PIK3C3: variants seen among roughly 807,000 people sequenced by gnomAD.
The protein encoded by PIK3C3 is phosphatidylinositol 3-kinase catalytic subunit type 3.
A neutral mutation model predicts 126.1 loss-of-function variants in PIK3C3; 95 were observed. The observed-to-expected ratio is 0.75, with a 90% CI of 0.64 to 0.89. The LOEUF (loss-of-function observed/expected upper bound fraction) is 0.89, where lower values mean the gene tolerates loss of function less well. Ranked by LOEUF, PIK3C3 falls within the 40% of genes least tolerant of loss-of-function variation. PIK3C3 has a pLI of 0.00. For missense variants in PIK3C3, 829 were observed against 1,063.2 expected (o/e 0.78, Z 3.06); for synonymous variants, 374 against 360.0 (o/e 1.04, Z -0.44).
Position 42,064,828 on chromosome 18 carries a change from A to T in PIK3C3, c.2521A>T (p.Lys841Ter). 1.3e-6 allele frequency: 2 copies of T among 1,541,166 alleles called. No individual in the cohort carries two copies. The highest frequency in any genetic ancestry group is 1.8e-6 in the Non-Finnish European group (2 of 1,114,418). ...IALEPDKTVKKVQDKFRLDLS... is the reference protein window; with the variant it reads ...IALEPDKTVK ...ACTTGAACCAGATAAAACTGTGAAAAAGGTAATTTTTAAGTAACATAAATG... is the reference window on the plus strand; with the variant it reads ...ACTTGAACCAGATAAAACTGTGAAATAGGTAATTTTTAAGTAACATAAATG... The change falls in exon 23 of 25, where the codon AAG becomes TAG. Residue 841 changes from lysine (K) to a stop codon, truncating the protein, a stop_gained and splice_region_variant. Coordinates refer to ENST00000262039, the MANE Select transcript of PIK3C3 (RefSeq NM_002647.4). LOFTEE classifies it high-confidence loss of function.
intron 15 of PIK3C3, among the ~76,000 whole-genome samples, chr18:42,032,441 C>T (rs1983869810): frequency 1.3e-5 from 2 of 151,996 alleles, no homozygotes; most frequent in African/African-American, 4.8e-5. Flanking sequence ...AGCAGCTGCA[C>T]TCTGGTTACT....
intron 4 of PIK3C3, among the ~76,000 whole-genome samples, chr18:41,985,491 T>C (rs1981425134): frequency 6.6e-6 from 1 of 152,138 alleles, no homozygotes; most frequent in African/African-American, 2.4e-5. Flanking sequence ...TGCAATCGGT[T>C]TTGCACTCAA....
chr18:41,997,645 T>A (rs1982091244), intron 9 of PIK3C3, among the ~76,000 whole-genome samples: 1 of 152,138 alleles, frequency 6.6e-6, no homozygotes. Flanking sequence ...TAGCATTTTT[T>A]AAACAGATAC....
intron 7 of PIK3C3, among the ~76,000 whole-genome samples, chr18:41,994,977 G>T (rs368805540): frequency 2.0e-5 from 3 of 152,094 alleles, no homozygotes; most frequent in Admixed American, 1.3e-4. Context: ...GGTCAAGGCT[G>T]CAGTGAGCTA....
intron 9 of PIK3C3, among the ~76,000 whole-genome samples, chr18:41,996,945 GT>G (rs1307971401): frequency 6.6e-6 from 1 of 152,118 alleles, no homozygotes; most frequent in Non-Finnish European, 1.5e-5. Context: ...GTCTGAATGG[GT>G]TTTGAAGTCA....
chr18:42,043,604 C>A, intron 19 of PIK3C3, 129 bp from the exon 20 acceptor site: 1 of 559,852 alleles, frequency 1.8e-6, no homozygotes, highest in Non-Finnish European at 3.2e-6. Context: ...TTTGTTCAGT[C>A]AGCATCTCTC....
chr18:42,027,509 C>T lies in PIK3C3; in HGVS notation c.1551C>T (p.Tyr517=), dbSNP rs1460967553. The part of the protein sequence containing the change: ...QQRDPKTHEM[Y]LNVMRRFSQA... ...GAGATCCAAAGACCCATGAGATGTA[C>T]TTGAACGTAATGAGAAGATTCAGCC... Residue 517 remains tyrosine (Y), a synonymous_variant, in exon 14 of 25, where the codon TAC becomes TAT. Transcript: ENST00000262039. The T allele has an allele frequency of 1.2e-6, 2 of 1,611,846 alleles. No homozygotes were observed. The highest frequency in any genetic ancestry group is 1.1e-5 in the South Asian group (1 of 90,992).
chr18:42,007,143 C>T (rs980096124), intron 10 of PIK3C3, among the ~76,000 whole-genome samples: 3 of 152,162 alleles, frequency 2.0e-5, no homozygotes, highest in South Asian at 4.1e-4. Flanking sequence ...GCTGGGATTA[C>T]AGGCATGAGC....
rs1462184921 is a variant in PIK3C3, at chr18:42,086,598, C to G, written c.*5461C>G. Reference sequence around the variant, plus strand: ...GACGGGAATGAAAGTGACCTCCGGTCATCCTCACTGCTCATTATACGCTAG... The same window carrying G: ...GACGGGAATGAAAGTGACCTCCGGTGATCCTCACTGCTCATTATACGCTAG... On this transcript the variant is annotated 3_prime_UTR_variant, in exon 25 of 25. Transcript: ENST00000262039. 1 of 152,228 alleles carries G rather than the reference C, an allele frequency of 6.6e-6. No individual in the cohort carries two copies. Among genetic ancestry groups the G allele is most frequent in the Non-Finnish European group, 1.5e-5 (1 of 68,050 alleles). 9.4% of individuals were successfully genotyped at this position (152,228 alleles called of 1,614,324 possible).
chr18:41,959,934 A>T (rs1003371406), intron 2 of PIK3C3, among the ~76,000 whole-genome samples: 3 of 144,488 alleles, frequency 2.1e-5, no homozygotes, highest in African/African-American at 8.0e-5. Context: ...GGAGGTAAAA[A>T]CCTTAAATAG....
chr18:42,036,855 A>G (rs188742974), intron 16 of PIK3C3, among the ~76,000 whole-genome samples: 146 of 152,292 alleles, frequency 9.6e-4, no homozygotes, highest in African/African-American at 3.4e-3. Flanking sequence ...AAATGCTCCA[A>G]AATCTGAAAC....
At chr18:41,970,245 C>G in intron 3 of PIK3C3, 82 bp from the exon 4 acceptor site, 1 of 1,166,970 alleles carries the variant, frequency 8.6e-7, no homozygotes, top group Non-Finnish European at 1.3e-6. Context: ...GTATAGAATT[C>G]TCTTTATTTT....
At chr18:41,968,723 T>C (rs1980498649) in intron 3 of PIK3C3, among the ~76,000 whole-genome samples, 1 of 152,196 alleles carries the variant, frequency 6.6e-6, no homozygotes, top group Non-Finnish European at 1.5e-5. Flanking sequence ...TAGGAAAATC[T>C]ATGAAGAAAG....
intron 20 of PIK3C3, among the ~76,000 whole-genome samples, chr18:42,044,391 T>C (rs1274859532): frequency 6.6e-6 from 1 of 152,018 alleles, no homozygotes; most frequent in Non-Finnish European, 1.5e-5. Flanking sequence ...TCATTTTCTT[T>C]ATTTTTTTCT....
chr18:42,024,766 C>A (rs1983480243), intron 13 of PIK3C3, among the ~76,000 whole-genome samples: 1 of 151,302 alleles, frequency 6.6e-6, no homozygotes, highest in South Asian at 2.1e-4. Flanking sequence ...GTGTTTGATA[C>A]TTGATGCTTA....
chr18:42,064,153 T>G (rs1162732948), intron 22 of PIK3C3, among the ~76,000 whole-genome samples: 1 of 152,222 alleles, frequency 6.6e-6, no homozygotes, highest in African/African-American at 2.4e-5. Context: ...AAGATATCAT[T>G]ATTTAGATAT....
chr18:42,020,681 C>T lies in PIK3C3; in HGVS notation c.1460C>T (p.Ser487Leu). Residue 487 changes from serine (S) to leucine (L), a missense_variant, in exon 13 of 25, where the codon TCA becomes TTA. Ser to Leu is a moderately radical substitution (Grantham distance 145). Around this residue, in one of 4 missense-constraint regions of PIK3C3, gnomAD observed 256 missense variants for 291.0 expected, o/e 0.88. Transcript: ENST00000262039. ...TTGATATCGAGAGCCTGCAAAAACT[C>T]AACACTGGCTAATTATTTATACTGG... is the stretch of plus-strand genomic sequence containing the variant. Reference protein sequence around the residue: ...TFLISRACKNSTLANYLYWYV... With the variant: ...TFLISRACKNLTLANYLYWYV... 1 of 1,599,950 alleles carries T rather than the reference C, an allele frequency of 6.3e-7. No homozygotes were observed. The highest frequency in any genetic ancestry group is 8.6e-7 in the Non-Finnish European group (1 of 1,168,434).
rs117832384 is a variant in PIK3C3 at position 42,037,667 on chromosome 18, T to G, written c.1840-25T>G. On this transcript the variant is annotated intron_variant, in intron 16 of 24. Transcript: ENST00000262039. ...TTATGCATTAATTCATGGCCAAATT[T>G]GAAATCAATATTTTTATTTTCCAGA... The G allele has an allele frequency of 5.2e-4, 833 of 1,593,400 alleles. 10 individuals are homozygous for G. The East Asian group carries it at 0.018, about 34-fold the overall frequency.
At chr18:42,075,922 AG>A (rs1282329136) in intron 24 of PIK3C3, among the ~76,000 whole-genome samples, 1 of 149,478 alleles carries the variant, frequency 6.7e-6, no homozygotes, top group African/African-American at 2.4e-5. Flanking sequence ...TCTCTAGTGT[AG>A]TCACCTTCAT....
Sources: allele counts gnomAD v4.1 joint callset (sites outside exome capture counted in the v4.1 genomes callset), GRCh38; gene constraint gnomAD v4.1.1; regional missense constraint gnomAD v4.1.1; transcripts MANE v1.5; gene names NCBI Gene and HGNC (gene_info 2026-07-23, HGNC 2026-07-21).